SMC6: variants seen among roughly 807,000 people sequenced by gnomAD.
SMC6 encodes the protein structural maintenance of chromosomes protein 6.
Under a neutral mutation model 142.2 loss-of-function variants are expected in SMC6, and 79 were observed. That is an observed-to-expected ratio of 0.56 (90% CI 0.46 to 0.67). The LOEUF (loss-of-function observed/expected upper bound fraction) is 0.67. Among genes scored for constraint, SMC6 ranks in the 30% least tolerant of loss-of-function variants. SMC6 has a pLI of 0.00. For synonymous variants in SMC6, 411 were observed against 412.4 expected, an observed-to-expected ratio of 1.00 and a Z score of 0.04; for missense variants, 1,072 against 1,284.0, an observed-to-expected ratio of 0.83 and a Z score of 2.52.
Position 17,716,920 on chromosome 2 carries a change from C to A in SMC6, c.1182-15G>T, listed in dbSNP as rs1285898327. ...ATTGGTCAGTACTAACAGTAAATAA[C>A]CCAAAGTGAAAAATGTTAGTTCAAT... On this transcript the variant is annotated splice_polypyrimidine_tract_variant and intron_variant, in intron 13 of 27. Transcript: ENST00000448223. 1 of 1,585,836 alleles carries A rather than the reference C, an allele frequency of 6.3e-7. No homozygotes were observed. Among genetic ancestry groups the A allele is most frequent in the South Asian group, 1.2e-5 (1 of 85,524 alleles).
chr2:17,697,534 G>A (rs1186706991), intron 21 of SMC6, among the ~76,000 whole-genome samples: 3 of 151,866 alleles, frequency 2.0e-5, no homozygotes, highest in East Asian at 3.8e-4. Context: ...ACTGTAAAAC[G>A]GGCAAAGATT....
At chr2:17,738,363 A>G in intron 4 of SMC6, 37 bp from the exon 5 acceptor site, 1 of 1,509,768 alleles carries the variant, frequency 6.6e-7, no homozygotes, top group South Asian at 1.2e-5. Flanking sequence ...ACATTCATTA[A>G]AAGAAAAAGG....
chr2:17,670,823 C>G (rs1199906576), intron 25 of SMC6, among the ~76,000 whole-genome samples: 1 of 152,122 alleles, frequency 6.6e-6, no homozygotes, highest in Non-Finnish European at 1.5e-5. Flanking sequence ...CTGAATCTAA[C>G]AGACCAAAAT....
Position 17,725,334 on chromosome 2 carries a change from C to A in SMC6, c.649G>T (p.Glu217Ter). Residue 217 changes from glutamate to a stop codon, truncating the protein, a stop_gained, in exon 9 of 28, where the codon GAA becomes TAA. Coordinates refer to ENST00000448223, the MANE Select transcript of SMC6 (RefSeq NM_001142286.2). LOFTEE classifies it high-confidence loss of function. Reference protein sequence around the residue: ...YKFFMKATQLEQMKEDYSYIM... With the variant: ...YKFFMKATQL ...TATGAATAATCTTCCTTCATCTGTT[C>A]AAGTTGCGTTGCTTTCATGAAGAAC... 1.2e-6 allele frequency: 2 copies of A among 1,602,466 alleles called. No homozygotes were observed. The highest frequency in any genetic ancestry group is 8.5e-7 in the Non-Finnish European group (1 of 1,177,242).
chr2:17,739,683 T>C (rs1670328771), intron 4 of SMC6, among the ~76,000 whole-genome samples: 2 of 152,016 alleles, frequency 1.3e-5, no homozygotes, highest in Non-Finnish European at 2.9e-5. Flanking sequence ...CATAGTGGCA[T>C]GTGCCTGTGG....
Position 17,682,760 on chromosome 2 carries a change from TA to T in SMC6, c.2804+877del, listed in dbSNP as rs144636573. Among the ~76,000 whole-genome samples, 1,083 of 152,086 alleles carry T rather than the reference TA, an allele frequency of 7.1e-3. 9 individuals are homozygous for T. The highest frequency in any genetic ancestry group is 0.025 in the African/African-American group (1,022 of 41,500). ...TAATCTCATCTAACAAGGCTAAAAGTAGCCTCAAAAGGGTAAAAATGGGTCC... is the reference window on the plus strand; with the variant it reads ...TAATCTCATCTAACAAGGCTAAAAGTGCCTCAAAAGGGTAAAAATGGGTCC... On this transcript the variant is annotated intron_variant, in intron 24 of 27. Transcript: ENST00000448223.
intron 7 of SMC6, 69 bp from the exon 8 acceptor site, chr2:17,726,538 C>T: frequency 7.6e-7 from 1 of 1,310,814 alleles, no homozygotes. Context: ...AAAACTGAAA[C>T]ATACATTACA....
At position 17,745,886 on chromosome 2, in the gene SMC6, C is replaced by G; in HGVS notation, c.61G>C (p.Glu21Gln). 6.2e-7 allele frequency: 1 copy of G among 1,612,964 alleles called. No individual in the cohort carries two copies. The highest frequency in any genetic ancestry group is 8.5e-7 in the Non-Finnish European group (1 of 1,179,540). Residue 21 changes from glutamate to glutamine, a missense_variant, in exon 3 of 28, where the codon GAA (glutamate) becomes CAA (glutamine). Glu to Gln is a conservative substitution (Grantham distance 29, BLOSUM62 2). Around this residue, in one of 3 missense-constraint regions of SMC6, gnomAD observed 994 missense variants for 1,153.2 expected, o/e 0.86. Transcript: ENST00000448223. ...SPKNAKRPRQ[E>Q]ELEDFDKDGD... ...TCTTTATCAAAATCCTCCAATTCTTCTTGTCTTGGCCTTTTGGCATTTTTA... is the reference window on the plus strand; with the variant it reads ...TCTTTATCAAAATCCTCCAATTCTTGTTGTCTTGGCCTTTTGGCATTTTTA...
At chr2:17,699,907 C>T (rs1276864214) in intron 21 of SMC6, among the ~76,000 whole-genome samples, 2 of 151,660 alleles carry the variant, frequency 1.3e-5, no homozygotes, top group East Asian at 1.9e-4. Flanking sequence ...ACATTGTACA[C>T]GTACGAGACG....
At chr2:17,707,414 G>A (rs548735288) in intron 17 of SMC6, 35 bp from the exon 18 acceptor site, 21 of 1,368,432 alleles carry the variant, frequency 1.5e-5, no homozygotes, top group South Asian at 1.2e-4. Flanking sequence ...TTTTTAAGAC[G>A]ATGTGAAAAT....
At chr2:17,669,331 C>G (rs1472321203) in intron 26 of SMC6, among the ~76,000 whole-genome samples, 9 of 152,056 alleles carry the variant, frequency 5.9e-5, no homozygotes, top group Admixed American at 5.9e-4. Context: ...GCATCTGGGT[C>G]TAGAGTACAG....
chr2:17,691,391 C>T, intron 23 of SMC6, among the ~76,000 whole-genome samples: 1 of 149,136 alleles, frequency 6.7e-6, no homozygotes, highest in Non-Finnish European at 1.5e-5. Flanking sequence ...TTTCTTCATT[C>T]ATTAATGGAC....
intron 9 of SMC6, among the ~76,000 whole-genome samples, chr2:17,723,900 A>G (rs966854093): frequency 5.3e-5 from 8 of 152,226 alleles, no homozygotes; most frequent in African/African-American, 1.9e-4. Flanking sequence ...TATTTTGAGA[A>G]TACAGGGTAT....
At chr2:17,710,982 G>T (rs945072473) in intron 16 of SMC6, among the ~76,000 whole-genome samples, 1 of 152,088 alleles carries the variant, frequency 6.6e-6, no homozygotes, top group Non-Finnish European at 1.5e-5. Flanking sequence ...CTCTAGAAAC[G>T]TCAGGCAGTC....
intron 27 of SMC6, 44 bp downstream of exon 27, chr2:17,666,376 C>T: frequency 3.0e-6 from 4 of 1,349,072 alleles, no homozygotes; most frequent in Non-Finnish European, 4.2e-6. Context: ...TTCTTTCCCC[C>T]TTTTATATAC....
intron 25 of SMC6, among the ~76,000 whole-genome samples, chr2:17,674,859 G>A (rs1395359702): frequency 6.6e-6 from 1 of 151,780 alleles, no homozygotes; most frequent in African/African-American, 2.4e-5. Context: ...ATGTTTTCAT[G>A]GTGTATCTTT....
intron 21 of SMC6, among the ~76,000 whole-genome samples, chr2:17,696,820 T>TTTAGTCA (rs2124921344): frequency 6.6e-6 from 1 of 152,274 alleles, no homozygotes; most frequent in South Asian, 2.1e-4. Flanking sequence ...CGCTGATTTA[T>TTTAGTCA]TTAGTCACAT....
In SMC6 at chr2:17,666,511, C is replaced by A. The variant is rs1480860632; in HGVS notation, c.3070G>T (p.Val1024Phe). 4 of 1,613,076 alleles carry A rather than the reference C, an allele frequency of 2.5e-6. No homozygotes were observed. The highest frequency in any genetic ancestry group is 2.5e-6 in the Non-Finnish European group (3 of 1,179,320). The change falls in exon 27 of 28, where the codon GTT becomes TTT. Residue 1024 changes from valine (V) to phenylalanine (F), a missense_variant. Physicochemically the swap from Val to Phe is conservative, Grantham distance 50. Transcript: ENST00000448223. The stretch of plus-strand genomic sequence containing the variant: ...AAGTCCATGGCAATTCTCCTATTAA[C>A]CATATCCTGAAAAACAAAGGCAAAA... ...LDEFDVYMDM[V>F]NRRIAMDLIL...
intron 9 of SMC6, among the ~76,000 whole-genome samples, chr2:17,721,876 G>GGTA (rs776364314): frequency 2.6e-5 from 4 of 151,504 alleles, no homozygotes; most frequent in Non-Finnish European, 5.9e-5. Context: ...TTGTATTTTT[G>GGTA]GTAGAGACGG....
Sources: gnomAD v4.1 joint callset for allele counts (sites outside exome capture counted in the v4.1 genomes callset) on GRCh38, gnomAD v4.1.1 for gene constraint, gnomAD v4.1.1 regional missense constraint, MANE v1.5 for transcripts, NCBI Gene and HGNC (gene_info 2026-07-23, HGNC 2026-07-21) for gene names.